The following TMEM147 variants were observed in gnomAD, a reference collection of about 807,000 sequenced individuals.
TMEM147 encodes the protein BOS complex subunit TMEM147.
A neutral mutation model predicts 29.4 loss-of-function variants in TMEM147; 29 were observed. The ratio of observed to expected loss-of-function variants is 0.99; its 90% confidence interval spans 0.73 to 1.34. The LOEUF (loss-of-function observed/expected upper bound fraction) is 1.34. TMEM147 is among the 40% of genes most tolerant of loss of function. The pLI, the probability that TMEM147 is intolerant of heterozygous loss-of-function variation, is 0.00. For missense variants in TMEM147, 260 were observed against 289.4 expected (o/e 0.90, Z 0.74); for synonymous variants, 121 against 111.8 (o/e 1.08, Z -0.52).
Position 35,547,514 on chromosome 19 carries a change from T to C in TMEM147, c.*67T>C. The C allele has an allele frequency of 6.3e-7, 1 of 1,576,996 alleles. No individual in the cohort carries two copies. The highest frequency in any genetic ancestry group is 1.7e-4 in the Middle Eastern group (1 of 5,998). ...CTCCAGGTTTTAGTGAAGTAAACAG[T>C]ATTTGGAAAGTTGTTGCTGCCTCCA... On this transcript the variant is annotated 3_prime_UTR_variant, in exon 7 of 7. Coordinates refer to ENST00000222284, the MANE Select transcript of TMEM147 (RefSeq NM_032635.4).
At chr19:35,547,054 A>C (rs2071567399) in intron 5 of TMEM147, 25 bp downstream of exon 5, 1 of 1,613,932 alleles carries the variant, frequency 6.2e-7, no homozygotes, top group Admixed American at 1.7e-5. Context: ...TCTCCCACAT[A>C]CACATTTCTG....
chr19:35,545,703 G>A lies in TMEM147; in HGVS notation c.-37G>A, dbSNP rs533556405. 4.4e-6 allele frequency: 7 copies of A among 1,600,408 alleles called. No individual in the cohort carries two copies. Among genetic ancestry groups the A allele is most frequent in the Admixed American group, 3.4e-5 (2 of 59,542 alleles). ...GACCCGCTCCCGGAGACGCCGCCTC[G>A]CGATCCCCGCGCGGGCGGGACCGGG... On this transcript the variant is annotated 5_prime_UTR_variant, in exon 1 of 7. Coordinates refer to ENST00000222284, the MANE Select transcript of TMEM147 (RefSeq NM_032635.4).
At position 35,545,781 on chromosome 19, in the gene TMEM147, C is replaced by T; in HGVS notation, c.42C>T (p.Tyr14=). The T allele has an allele frequency of 6.2e-7, 1 of 1,613,776 alleles. No individual in the cohort carries two copies. Reference sequence around the variant, plus strand: ...TCGGGAACTGCTTCGCTCTTGCCTACTTCCCCTACTTCATCACCTACAAGT... The same window carrying T: ...TCGGGAACTGCTTCGCTCTTGCCTATTTCCCCTACTTCATCACCTACAAGT... ...FHFGNCFALA[Y]FPYFITYKCS... The change falls in exon 1 of 7, where the codon TAC becomes TAT. Residue 14 remains tyrosine, a synonymous_variant. Transcript: ENST00000222284.
intron 1 of TMEM147, 35 bp from the exon 2 acceptor site, chr19:35,545,853 G>A (rs1282169483): frequency 1.9e-6 from 3 of 1,613,756 alleles, no homozygotes; most frequent in Non-Finnish European, 2.5e-6. Flanking sequence ...AGAGGGCGCG[G>A]GGCCCGGGCC....
intron 2 of TMEM147, chr19:35,546,256 T>A (rs761173325): frequency 5.8e-5 from 35 of 599,930 alleles, no homozygotes; most frequent in African/African-American, 9.3e-5. Context: ...TACGTGCTGC[T>A]AACACTGCCC....
At chr19:35,546,020 C>T in intron 2 of TMEM147, 63 bp downstream of exon 2, 1 of 1,553,618 alleles carries the variant, frequency 6.4e-7, no homozygotes, top group Non-Finnish European at 8.7e-7. Context: ...GGGACCCGCC[C>T]CCGTTGCCTA....
intron 2 of TMEM147, 140 bp from the exon 3 acceptor site, chr19:35,546,386 A>G: frequency 1.0e-6 from 1 of 989,536 alleles, no homozygotes; most frequent in Non-Finnish European, 1.5e-6. Context: ...TAATTTTGCC[A>G]CCATCTGGTG....
At chr19:35,546,154 T>G in intron 2 of TMEM147, 197 bp downstream of exon 2, 2 of 658,412 alleles carry the variant, frequency 3.0e-6, no homozygotes, top group Non-Finnish European at 5.2e-6. Context: ...GAAGCAACTT[T>G]TGCGTAGCAC....
rs1326259991 is a variant in TMEM147 at position 35,545,876 on chromosome 19, C to T, written c.78-12C>T. Reference sequence around the variant, plus strand: ...CGGGGCCCGGGCCGACCCTCACCTCCCGCTTCTCCAGGTCCGAGTACAACG... The same window carrying T: ...CGGGGCCCGGGCCGACCCTCACCTCTCGCTTCTCCAGGTCCGAGTACAACG... On this transcript the variant is annotated splice_polypyrimidine_tract_variant and intron_variant, in intron 1 of 6. Coordinates refer to ENST00000222284, the MANE Select transcript of TMEM147 (RefSeq NM_032635.4). 4 of 1,613,942 alleles carry T rather than the reference C, an allele frequency of 2.5e-6. No homozygotes were observed. Among genetic ancestry groups the T allele is most frequent in the East Asian group, 4.5e-5 (2 of 44,876 alleles).
chr19:35,545,784 C>T lies in TMEM147; in HGVS notation c.45C>T (p.Phe15=), dbSNP rs1395921475. The change falls in exon 1 of 7, where the codon TTC becomes TTT. Residue 15 remains phenylalanine (F), a synonymous_variant. Transcript: ENST00000222284. The part of the protein sequence containing the change: ...HFGNCFALAY[F]PYFITYKCSG... ...GGAACTGCTTCGCTCTTGCCTACTTCCCCTACTTCATCACCTACAAGTGCA... is the reference window on the plus strand; with the variant it reads ...GGAACTGCTTCGCTCTTGCCTACTTTCCCTACTTCATCACCTACAAGTGCA... The T allele has an allele frequency of 1.9e-6, 3 of 1,613,776 alleles. No homozygotes were observed. The highest frequency in any genetic ancestry group is 2.5e-6 in the Non-Finnish European group (3 of 1,179,904).
Position 35,547,324 on chromosome 19 carries a change from G to T in TMEM147, c.552G>T (p.Glu184Asp). 6.2e-7 allele frequency: 1 copy of T among 1,613,864 alleles called. No individual in the cohort carries two copies. Among genetic ancestry groups the T allele is most frequent in the Admixed American group, 1.7e-5 (1 of 60,004 alleles). Reference sequence around the variant, plus strand: ...TCCTTATTGTGACATTTTCCTGCAGGACCTTCGTCCACCTCTGCTCGCTGG... The same window carrying T: ...TCCTTATTGTGACATTTTCCTGCAGTACCTTCGTCCACCTCTGCTCGCTGG... ...FLSVYKAFVM[E>D]TFVHLCSLGS... Residue 184 changes from glutamate (E) to aspartate (D), a missense_variant and splice_region_variant, in exon 7 of 7, where the codon GAG (glutamate) becomes GAT (aspartate). Transcript: ENST00000222284.
chr19:35,546,062 C>A, intron 2 of TMEM147, 105 bp downstream of exon 2: 4 of 1,272,832 alleles, frequency 3.1e-6, no homozygotes, highest in East Asian at 5.0e-5. Context: ...GGTGGGACCG[C>A]CCTCGGGACT....
At chr19:35,546,504 T>C (rs1376793102) in intron 2 of TMEM147, 22 bp from the exon 3 acceptor site, 7 of 1,605,530 alleles carry the variant, frequency 4.4e-6, no homozygotes, top group Middle Eastern at 1.7e-4. Context: ...TGAAGTGACC[T>C]CTTTCTGCTT....
In TMEM147 at chr19:35,547,312, A is replaced by G. The variant is rs773668490; in HGVS notation, c.552-12A>G. 1.2e-6 allele frequency: 2 copies of G among 1,613,502 alleles called. No homozygotes were observed. The highest frequency in any genetic ancestry group is 1.3e-5 in the African/African-American group (1 of 74,780). ...TCTAGTCTCCCTTCCTTATTGTGACATTTTCCTGCAGGACCTTCGTCCACC... is the reference window on the plus strand; with the variant it reads ...TCTAGTCTCCCTTCCTTATTGTGACGTTTTCCTGCAGGACCTTCGTCCACC... On this transcript the variant is annotated splice_polypyrimidine_tract_variant and intron_variant, in intron 6 of 6. Transcript: ENST00000222284.
intron 2 of TMEM147, 51 bp downstream of exon 2, chr19:35,546,008 C>T (rs1386047592): frequency 1.3e-6 from 2 of 1,579,302 alleles, no homozygotes; most frequent in East Asian, 2.3e-5. Flanking sequence ...TCTGCAGACC[C>T]AGGGACCCGC....
chr19:35,545,934 T>C lies in TMEM147; in HGVS notation c.124T>C (p.Tyr42His). 6.2e-7 allele frequency: 1 copy of C among 1,613,846 alleles called. No individual in the cohort carries two copies. The highest frequency in any genetic ancestry group is 8.5e-7 in the Non-Finnish European group (1 of 1,179,862). The change falls in exon 2 of 7, where the codon TAC becomes CAC. Residue 42 changes from tyrosine to histidine, a missense_variant. Physicochemically the swap from Tyr to His is moderately conservative, Grantham distance 83. Transcript: ENST00000222284. ...GAAATGCGTCCAGGCTGGAGTCACC[T>C]ACCTCTTTGTCCAACTCTGCAAGGT... ...FWKCVQAGVT[Y>H]LFVQLCKMLF...
chr19:35,546,008 C>A (rs1386047592), intron 2 of TMEM147, 51 bp downstream of exon 2: 2 of 1,579,300 alleles, frequency 1.3e-6, no homozygotes, highest in Non-Finnish European at 1.7e-6. Flanking sequence ...TCTGCAGACC[C>A]AGGGACCCGC....
intron 1 of TMEM147, 31 bp from the exon 2 acceptor site, chr19:35,545,857 C>A (rs200532211): frequency 3.4e-5 from 55 of 1,613,774 alleles, no homozygotes; most frequent in Non-Finnish European, 4.5e-5. Context: ...GGCGCGGGGC[C>A]CGGGCCGACC....
At chr19:35,547,070 G>A (rs370012090) in intron 5 of TMEM147, 41 bp downstream of exon 5, 20 of 1,614,066 alleles carry the variant, frequency 1.2e-5, no homozygotes, top group African/African-American at 8.0e-5. Context: ...TTCTGCTGGC[G>A]GCCATACTCC....
Sources: gnomAD v4.1 joint callset for allele counts on GRCh38, gnomAD v4.1.1 for gene constraint, MANE v1.5 for transcripts, NCBI Gene and HGNC (gene_info 2026-07-23, HGNC 2026-07-21) for gene names.